PTPRZ1: variants seen among roughly 807,000 people sequenced by gnomAD.
The protein encoded by PTPRZ1 is protein tyrosine phosphatase receptor type Z1.
In PTPRZ1, 82 loss-of-function variants were observed where a neutral mutation model predicts 214.1. The ratio of observed to expected loss-of-function variants is 0.38; its 90% CI spans 0.32 to 0.46. The LOEUF is 0.46. PTPRZ1 is among the 20% of genes least tolerant of loss of function. The pLI, the probability that PTPRZ1 is intolerant of heterozygous loss-of-function variation, is 1.00. For missense variants in PTPRZ1, 2,603 were observed against 2,748.7 expected, an observed-to-expected ratio of 0.95 and a Z score of 1.19; for synonymous variants, 945 against 987.9, an observed-to-expected ratio of 0.96 and a Z score of 0.81.
intron 1 of PTPRZ1, among the ~76,000 whole-genome samples, chr7:121,875,147 T>C (rs1794014190): frequency 6.6e-6 from 1 of 152,152 alleles, no homozygotes; most frequent in Admixed American, 6.5e-5. Flanking sequence ...TCACCACTAA[T>C]TCCAGAATGT....
At chr7:121,953,668 G>T (rs1526314) in intron 2 of PTPRZ1, among the ~76,000 whole-genome samples, 47,747 of 151,978 alleles carry the variant, frequency 0.31, 9,070 homozygotes, top group Non-Finnish European at 0.4. Context: ...TGCCTCTCTG[G>T]CCACACTGAC....
chr7:121,948,627 G>A (rs552647738), intron 2 of PTPRZ1, among the ~76,000 whole-genome samples: 5 of 152,246 alleles, frequency 3.3e-5, no homozygotes, highest in South Asian at 2.1e-4. Flanking sequence ...GGGAAAGTGC[G>A]AAGGCACTGA....
chr7:121,943,374 C>A (rs1002507640), intron 2 of PTPRZ1, among the ~76,000 whole-genome samples: 4 of 152,074 alleles, frequency 2.6e-5, no homozygotes, highest in African/African-American at 7.2e-5. Context: ...GAGTCTCTAT[C>A]GCCCAGGCTG....
chr7:121,877,505 A>G (rs965697441), intron 1 of PTPRZ1, among the ~76,000 whole-genome samples: 3 of 152,140 alleles, frequency 2.0e-5, no homozygotes, highest in African/African-American at 7.2e-5. Context: ...GAAAGTTTTC[A>G]CCGATGCATA....
intron 17 of PTPRZ1, among the ~76,000 whole-genome samples, chr7:122,036,244 C>T (rs900461391): frequency 1.1e-4 from 17 of 152,270 alleles, no homozygotes; most frequent in African/African-American, 2.2e-4. Flanking sequence ...TTGTAACCAA[C>T]CTTAAAATTC....
chr7:121,902,919 A>G (rs1347200972), intron 1 of PTPRZ1, among the ~76,000 whole-genome samples: 2 of 152,156 alleles, frequency 1.3e-5, no homozygotes, highest in East Asian at 1.9e-4. Flanking sequence ...ATAGCCATGC[A>G]GTGTAATGTT....
intron 2 of PTPRZ1, among the ~76,000 whole-genome samples, chr7:121,943,073 C>A (rs922378821): frequency 6.6e-6 from 1 of 152,098 alleles, no homozygotes; most frequent in Non-Finnish European, 1.5e-5. Context: ...GCTAAAATAT[C>A]ATGGATAGTT....
At chr7:121,946,396 G>A (rs1444882268) in intron 2 of PTPRZ1, among the ~76,000 whole-genome samples, 1 of 152,074 alleles carries the variant, frequency 6.6e-6, no homozygotes, top group Non-Finnish European at 1.5e-5. Context: ...TCCTCTGGGA[G>A]CCTGAGAAAT....
Position 122,013,771 on chromosome 7 carries a change from A to G in PTPRZ1, c.4725A>G (p.Glu1575=). ...STDFSFADTN[E]KDADGILAAG... ...ATTTCAGTTTTGCAGACACTAATGA[A>G]AAAGATGCTGATGGGATCCTGGCAG... Residue 1575 remains glutamate (E), a synonymous_variant, in exon 12 of 30, where the codon GAA becomes GAG. Transcript: ENST00000393386. 6.2e-7 allele frequency: 1 copy of G among 1,614,178 alleles called. No homozygotes were observed. Among genetic ancestry groups the G allele is most frequent in the Non-Finnish European group, 8.5e-7 (1 of 1,180,012 alleles).
chr7:122,002,589 TA>T (rs1055084006), intron 10 of PTPRZ1, among the ~76,000 whole-genome samples: 6 of 152,102 alleles, frequency 3.9e-5, no homozygotes, highest in African/African-American at 1.4e-4. Context: ...CAATACACAC[TA>T]AAAATATTAA....
chr7:121,896,905 T>C (rs1218256373), intron 1 of PTPRZ1, among the ~76,000 whole-genome samples: 2 of 151,876 alleles, frequency 1.3e-5, no homozygotes, highest in Admixed American at 1.3e-4. Flanking sequence ...ATTTCTGGGG[T>C]GAGATATTTT....
chr7:122,025,772 G>C (rs1388821885), intron 13 of PTPRZ1, among the ~76,000 whole-genome samples: 1 of 152,176 alleles, frequency 6.6e-6, no homozygotes, highest in Non-Finnish European at 1.5e-5. Flanking sequence ...TTGAAAGAAG[G>C]CAGTGTTTGT....
At chr7:122,056,144 T>C (rs1464612918) in intron 27 of PTPRZ1, among the ~76,000 whole-genome samples, 2 of 151,876 alleles carry the variant, frequency 1.3e-5, no homozygotes, top group African/African-American at 4.8e-5. Flanking sequence ...TCCATTTAGA[T>C]CTGCCATCTC....
At chr7:122,047,143 C>A (rs192013581) in intron 23 of PTPRZ1, among the ~76,000 whole-genome samples, 3 of 152,090 alleles carry the variant, frequency 2.0e-5, no homozygotes, top group African/African-American at 7.2e-5. Context: ...TGGAGGAGGC[C>A]GTTGGATTTA....
rs776650644 is a variant in PTPRZ1 at position 122,012,989 on chromosome 7, C to A, written c.3943C>A (p.Pro1315Thr). ...AAAAGGAAGGCATGTATTTGCTACA[C>A]CTGTTTTATCAATTGATGAACCATT... ...PPKGRHVFAT[P>T]VLSIDEPLNT... Residue 1315 changes from proline to threonine, a missense_variant, in exon 12 of 30, where the codon CCT becomes ACT. This residue lies in a region of PTPRZ1 where 1,913 missense variants were observed against 1,914.3 expected (regional missense o/e 1.00). Transcript: ENST00000393386. The A allele has an allele frequency of 8.5e-5, 137 of 1,613,958 alleles. No individual in the cohort carries two copies. The highest frequency in any genetic ancestry group is 1.1e-4 in the Non-Finnish European group (135 of 1,179,984).
intron 2 of PTPRZ1, among the ~76,000 whole-genome samples, chr7:121,935,762 G>A (rs1584657625): frequency 2.6e-5 from 4 of 152,104 alleles, no homozygotes; most frequent in Admixed American, 2.6e-4. Flanking sequence ...TAGAGATGGG[G>A]TTTCACCGTG....
At chr7:121,981,736 A>G (rs1164968521) in intron 6 of PTPRZ1, among the ~76,000 whole-genome samples, 1 of 152,220 alleles carries the variant, frequency 6.6e-6, no homozygotes, top group Non-Finnish European at 1.5e-5. Flanking sequence ...TAATCTGTAT[A>G]CAAGTTTATA....
chr7:122,014,283 T>C (rs1798779526), intron 12 of PTPRZ1, among the ~76,000 whole-genome samples: 1 of 151,714 alleles, frequency 6.6e-6, no homozygotes, highest in Non-Finnish European at 1.5e-5. Flanking sequence ...CTAAAATAAG[T>C]TGTAAACTAA....
chr7:121,901,716 GT>G (rs1794966008), intron 1 of PTPRZ1, among the ~76,000 whole-genome samples: 2 of 152,094 alleles, frequency 1.3e-5, no homozygotes, highest in South Asian at 4.1e-4. Context: ...GTTTTATTTT[GT>G]TTTTAAATGA....
Sources: gnomAD v4.1 joint callset for allele counts (sites outside exome capture counted in the v4.1 genomes callset) on GRCh38, gnomAD v4.1.1 for gene constraint, gnomAD v4.1.1 regional missense constraint, MANE v1.5 for transcripts, NCBI Gene and HGNC (gene_info 2026-07-23, HGNC 2026-07-21) for gene names.